Variants in CMC1 observed in about 807,000 individuals in gnomAD.
The protein encoded by CMC1 is C-X9-C motif containing 1, also known as COX assembly mitochondrial protein homolog.
CMC1 carries 14 observed loss-of-function variants against 14.1 expected under a neutral mutation model. The observed-to-expected ratio is 0.99, with a 90% CI of 0.66 to 1.55. CMC1 has a LOEUF of 1.55. Among genes scored for constraint, CMC1 ranks in the 40% most tolerant of loss-of-function variants. CMC1 has a pLI of 0.00. For synonymous variants in CMC1, 50 were observed against 38.4 expected (o/e 1.30, Z -1.12); for missense variants, 127 against 123.8 (o/e 1.03, Z -0.12).
chr3:28,308,711 A>C (rs374866092), intron 2 of CMC1, among the ~76,000 whole-genome samples: 1 of 152,214 alleles, frequency 6.6e-6, no homozygotes, highest in East Asian at 1.9e-4. Context: ...CAGGCTGAGC[A>C]TGGTGGCTTA....
At position 28,294,123 on chromosome 3, in the gene CMC1, G is replaced by A. The variant is rs147209038; in HGVS notation, c.110-22210G>A. 5.2e-3 allele frequency among the ~76,000 whole-genome samples: 796 copies of A among 152,234 alleles called. 10 individuals are homozygous for A. Among genetic ancestry groups the A allele is most frequent in the African/African-American group, 0.018 (759 of 41,530 alleles). On this transcript the variant is annotated intron_variant, in intron 2 of 3. Coordinates refer to ENST00000466830, the MANE Select transcript of CMC1 (RefSeq NM_182523.2). Reference sequence around the variant, plus strand: ...ATTAATGTCTGGTTATGTAGAAAGTGCTGTAACAGGATCATCTGTTCTACT... The same window carrying A: ...ATTAATGTCTGGTTATGTAGAAAGTACTGTAACAGGATCATCTGTTCTACT...
intron 2 of CMC1, among the ~76,000 whole-genome samples, chr3:28,278,085 A>ATTGATGTGATTGTGT (rs1159795289): frequency 9.9e-5 from 10 of 101,408 alleles, no homozygotes; most frequent in South Asian, 4.8e-4. Context: ...GATGTGATTG[A>ATTGATGTGATTGTGT]GATACTCCAA....
intron 2 of CMC1, among the ~76,000 whole-genome samples, chr3:28,288,583 G>A (rs916449928): frequency 6.6e-6 from 1 of 151,982 alleles, no homozygotes; most frequent in African/African-American, 2.4e-5. Flanking sequence ...GAAGGTAAAT[G>A]TACAACTGCA....
chr3:28,272,206 A>T (rs1700328850), intron 2 of CMC1, among the ~76,000 whole-genome samples: 1 of 152,042 alleles, frequency 6.6e-6, no homozygotes, highest in Non-Finnish European at 1.5e-5. Context: ...CTATTTGAAT[A>T]ACCTTTCATT....
intron 2 of CMC1, among the ~76,000 whole-genome samples, chr3:28,284,112 T>C (rs975105517): frequency 2.6e-5 from 4 of 152,226 alleles, no homozygotes; most frequent in Admixed American, 1.3e-4. Flanking sequence ...TTCCTTTCCC[T>C]CTCATTTTGG....
Position 28,291,558 on chromosome 3 carries a change from A to G in CMC1, c.110-24775A>G, listed in dbSNP as rs542733551. 5.9e-5 allele frequency among the ~76,000 whole-genome samples: 9 copies of G among 152,076 alleles called. No homozygotes were observed. The South Asian group carries it at 1.0e-3, about 18-fold the overall frequency. On this transcript the variant is annotated intron_variant, in intron 2 of 3. Coordinates refer to ENST00000466830, the MANE Select transcript of CMC1 (RefSeq NM_182523.2). ...TTTTATCAACTATTCCTTGAAGTCT[A>G]GTTTTCTTGAATTTATGTTTTTATT...
chr3:28,315,810 A>G (rs1702870937), intron 2 of CMC1: 1 of 152,344 alleles, frequency 6.6e-6, no homozygotes, highest in Non-Finnish European at 1.5e-5. Flanking sequence ...CAGTACAGTA[A>G]CATATGGTAC....
chr3:28,295,154 T>C (rs1701675655), intron 2 of CMC1, among the ~76,000 whole-genome samples: 1 of 152,182 alleles, frequency 6.6e-6, no homozygotes, highest in African/African-American at 2.4e-5. Context: ...AATGTATGTC[T>C]TTTGTCTCCT....
At chr3:28,258,426 C>T (rs190021158) in intron 1 of CMC1, among the ~76,000 whole-genome samples, 307 of 149,684 alleles carry the variant, frequency 2.1e-3, no homozygotes, top group African/African-American at 7.1e-3. Context: ...TTACATTAGG[C>T]TTATGATCCA....
chr3:28,301,886 T>A (rs1702066981), intron 2 of CMC1, among the ~76,000 whole-genome samples: 1 of 150,582 alleles, frequency 6.6e-6, no homozygotes, highest in South Asian at 2.1e-4. Flanking sequence ...AGTACTCCCA[T>A]CCCCCATCAA....
chr3:28,261,745 G>A (rs1323552129), intron 1 of CMC1, among the ~76,000 whole-genome samples: 1 of 152,134 alleles, frequency 6.6e-6, no homozygotes, highest in Non-Finnish European at 1.5e-5. Flanking sequence ...GAAGGGGATT[G>A]GTTTCAGGAG....
At chr3:28,300,761 T>C (rs1044761424) in intron 2 of CMC1, among the ~76,000 whole-genome samples, 2 of 149,540 alleles carry the variant, frequency 1.3e-5, no homozygotes, top group Admixed American at 1.3e-4. Context: ...TTCCTTTTTT[T>C]TTCATAATAT....
At chr3:28,254,526 C>T (rs953548353) in intron 1 of CMC1, among the ~76,000 whole-genome samples, 10 of 151,960 alleles carry the variant, frequency 6.6e-5, no homozygotes, top group Admixed American at 3.9e-4. Flanking sequence ...CTTGACAAGC[C>T]GTTTTAAAAA....
chr3:28,314,053 T>G (rs1003642280), intron 2 of CMC1, among the ~76,000 whole-genome samples: 1 of 152,172 alleles, frequency 6.6e-6, no homozygotes, highest in African/African-American at 2.4e-5. Context: ...CAGCCCATGG[T>G]TCATTACCAC....
chr3:28,278,403 CTT>C (rs1448287708), intron 2 of CMC1, among the ~76,000 whole-genome samples: 5 of 152,082 alleles, frequency 3.3e-5, no homozygotes, highest in African/African-American at 9.7e-5. Context: ...AAAAATCTCT[CTT>C]ATAAAGGGAA....
chr3:28,260,278 G>T (rs995613858), intron 1 of CMC1, among the ~76,000 whole-genome samples: 1 of 150,632 alleles, frequency 6.6e-6, no homozygotes, highest in Admixed American at 6.6e-5. Context: ...TGTAGATTTG[G>T]TGTGTGTGTG....
At chr3:28,251,743 G>C (rs1017520832) in intron 1 of CMC1, among the ~76,000 whole-genome samples, 6 of 152,122 alleles carry the variant, frequency 3.9e-5, no homozygotes, top group Non-Finnish European at 8.8e-5. Context: ...GATAAAAGAA[G>C]AACCAGTAGT....
chr3:28,260,291 T>C (rs1025388255), intron 1 of CMC1, among the ~76,000 whole-genome samples: 1 of 152,046 alleles, frequency 6.6e-6, no homozygotes, highest in Non-Finnish European at 1.5e-5. Flanking sequence ...TGTGTGTGTA[T>C]GTGTTTTGTA....
intron 2 of CMC1, chr3:28,315,151 C>G (rs898187374): frequency 1.3e-5 from 2 of 152,204 alleles, no homozygotes; most frequent in African/African-American, 4.8e-5. Flanking sequence ...AAGGAGGGAC[C>G]AGAGTAGTTC....
Sources: allele counts gnomAD v4.1 joint callset (sites outside exome capture counted in the v4.1 genomes callset), GRCh38; gene constraint gnomAD v4.1.1; transcripts MANE v1.5; gene names NCBI Gene and HGNC (gene_info 2026-07-23, HGNC 2026-07-21).